Variants in LARGE1 observed in about 807,000 individuals in gnomAD.
The protein encoded by LARGE1 is LARGE xylosyl- and glucuronyltransferase 1, also known as xylosyl- and glucuronyltransferase LARGE1.
In LARGE1, 43 loss-of-function variants were observed where a neutral mutation model predicts 87.6. The ratio of observed to expected loss-of-function variants is 0.49; its 90% CI spans 0.38 to 0.63. LARGE1 has a LOEUF of 0.63. Ranked by LOEUF, LARGE1 falls within the 30% of genes least tolerant of loss-of-function variation. The probability of loss-of-function intolerance (pLI) is 0.00; values close to 1 mark genes in which losing one functional copy is unlikely to be tolerated. For missense variants in LARGE1, 802 were observed against 1,000.2 expected (o/e 0.80, Z 2.67); for synonymous variants, 434 against 394.6 (o/e 1.10, Z -1.18).
At chr22:33,852,867 A>G (rs2063642259) in intron 1 of LARGE1, among the ~76,000 whole-genome samples, 1 of 105,026 alleles carries the variant, frequency 9.5e-6, no homozygotes, top group Non-Finnish European at 1.8e-5. Flanking sequence ...AAAAAAAAAA[A>G]AAAAAAAAAA....
intron 11 of LARGE1, among the ~76,000 whole-genome samples, chr22:33,190,320 C>T (rs5994690): frequency 0.032 from 4,846 of 152,200 alleles, 269 homozygotes; most frequent in African/African-American, 0.11. Flanking sequence ...ATATTTCCTT[C>T]TTCAGACTTT....
At chr22:33,383,926 T>C (rs1014171284) in intron 8 of LARGE1, among the ~76,000 whole-genome samples, 4 of 152,202 alleles carry the variant, frequency 2.6e-5, no homozygotes, top group African/African-American at 9.6e-5. Flanking sequence ...CCTTCGTCTA[T>C]CTCTGTCATC....
intron 11 of LARGE1, among the ~76,000 whole-genome samples, chr22:33,189,996 T>C (rs1923691837): frequency 6.6e-6 from 1 of 152,210 alleles, no homozygotes; most frequent in Admixed American, 6.5e-5. Flanking sequence ...CTAGTTCATC[T>C]GTCTACACTA....
chr22:33,544,265 A>G (rs188623015), intron 6 of LARGE1, among the ~76,000 whole-genome samples: 1 of 152,302 alleles, frequency 6.6e-6, no homozygotes. Context: ...TATGACATAC[A>G]CTGAGTCTTG....
At chr22:33,299,088 T>A (rs1242594539) in intron 12 of LARGE1, among the ~76,000 whole-genome samples, 1 of 151,902 alleles carries the variant, frequency 6.6e-6, no homozygotes, top group African/African-American at 2.4e-5. Context: ...GGCGCATGCC[T>A]ATAATCCCAG....
chr22:33,462,903 G>A (rs1208865885), intron 6 of LARGE1, among the ~76,000 whole-genome samples: 1 of 152,196 alleles, frequency 6.6e-6, no homozygotes, highest in African/African-American at 2.4e-5. Context: ...AACTCAGAAG[G>A]AGGCGATTAA....
Position 33,277,311 on chromosome 22 carries a change from A to G in LARGE1, c.1878-56T>C. On this transcript the variant is annotated intron_variant, in intron 13 of 14. Transcript: ENST00000397394. Reference sequence around the variant, plus strand: ...TAGGGAAGGAAGCCAAGCTCTCCAAATGCAGCCGATGTGGAGGAAGAAGGG... The same window carrying G: ...TAGGGAAGGAAGCCAAGCTCTCCAAGTGCAGCCGATGTGGAGGAAGAAGGG... 3.3e-6 allele frequency: 5 copies of G among 1,520,252 alleles called. No individual in the cohort carries two copies. In the East Asian group the frequency reaches 6.9e-5, roughly 21 times the overall value. The allele number at this position is 1,520,252 out of a possible 1,614,324, so 94.2% of individuals were successfully genotyped here. A position where few individuals can be genotyped will look rare whatever the true frequency, so the allele number is the denominator to read the frequency against.
intron 11 of LARGE1, among the ~76,000 whole-genome samples, chr22:33,172,155 T>TGAA (rs1206573335): frequency 1.3e-5 from 2 of 152,256 alleles, no homozygotes; most frequent in Non-Finnish European, 2.9e-5. Context: ...GGCCCCTTTG[T>TGAA]TTTGGCCAAT....
chr22:33,368,448 C>T (rs1157560639), intron 9 of LARGE1, among the ~76,000 whole-genome samples: 4 of 145,292 alleles, frequency 2.8e-5, no homozygotes, highest in South Asian at 2.2e-4. Context: ...GCAGGAGAAT[C>T]GTTTGAACAT....
chr22:33,195,742 C>CT (rs71187248), intron 11 of LARGE1, among the ~76,000 whole-genome samples: 85,702 of 142,606 alleles, frequency 0.6, 25,390 homozygotes, highest in African/African-American at 0.66. Flanking sequence ...AAATTAATTT[C>CT]TTTTTTCTTT....
chr22:33,703,499 G>A (rs1454451439), intron 2 of LARGE1, among the ~76,000 whole-genome samples: 3 of 152,214 alleles, frequency 2.0e-5, no homozygotes, highest in Admixed American at 1.3e-4. Flanking sequence ...TTGTAGGTAT[G>A]ATTAAAGACC....
intron 1 of LARGE1, among the ~76,000 whole-genome samples, chr22:33,847,045 A>G (rs1487987964): frequency 6.6e-6 from 1 of 152,172 alleles, no homozygotes; most frequent in Non-Finnish European, 1.5e-5. Context: ...ACTCCCTAAT[A>G]AAAACTTCCT....
chr22:33,200,017 T>C (rs1924297296), intron 11 of LARGE1, among the ~76,000 whole-genome samples: 1 of 151,874 alleles, frequency 6.6e-6, no homozygotes, highest in Non-Finnish European at 1.5e-5. Flanking sequence ...CCTGGCTAAT[T>C]TTTGTATTTT....
rs529734800 is a variant in LARGE1 at position 33,482,550 on chromosome 22, T to C, written c.788-50285A>G. On this transcript the variant is annotated intron_variant, in intron 6 of 14. Coordinates refer to ENST00000397394, the MANE Select transcript of LARGE1 (RefSeq NM_133642.5). ...TCACACACTGGGGCCTGTCGGGAGG[T>C]TGGGGGCTAGGGGAGAGAGAGCATT... 2.2e-4 allele frequency among the ~76,000 whole-genome samples: 34 copies of C among 151,764 alleles called. No individual in the cohort carries two copies. In the South Asian group the frequency reaches 3.6e-3, roughly 16 times the overall value.
intron 7 of LARGE1, among the ~76,000 whole-genome samples, chr22:33,394,081 CAAAA>C (rs66531142): frequency 0.25 from 26,984 of 109,912 alleles, 3,382 homozygotes; most frequent in African/African-American, 0.38. Context: ...GTGCAACTGC[CAAAA>C]AAAAAAAAAA....
intron 1 of LARGE1, among the ~76,000 whole-genome samples, chr22:33,831,209 G>A (rs1482125852): frequency 2.0e-5 from 3 of 150,674 alleles, no homozygotes; most frequent in Admixed American, 6.6e-5. Flanking sequence ...GCCTCCCAAA[G>A]TGCTGGGATT....
chr22:33,384,379 C>T, intron 7 of LARGE1, 75 bp from the exon 8 acceptor site: 1 of 1,015,474 alleles, frequency 9.8e-7, no homozygotes, highest in South Asian at 1.3e-5. Flanking sequence ...CTACTCACAT[C>T]ACAGCCACAG....
the LARGE1 span, among the ~76,000 whole-genome samples, chr22:33,115,436 T>G: frequency 2.2e-5 from 3 of 138,712 alleles, no homozygotes; most frequent in African/African-American, 5.6e-5. Flanking sequence ...GGCGATAGAG[T>G]GAGACTACCT....
At chr22:33,241,486 A>G (rs1339161290) in intron 11 of LARGE1, among the ~76,000 whole-genome samples, 1 of 151,934 alleles carries the variant, frequency 6.6e-6, no homozygotes, top group Non-Finnish European at 1.5e-5. Context: ...GCCCTCCATC[A>G]TATGTATTAA....
Sources: gnomAD v4.1 joint callset for allele counts (sites outside exome capture counted in the v4.1 genomes callset) on GRCh38, gnomAD v4.1.1 for gene constraint, MANE v1.5 for transcripts, NCBI Gene and HGNC (gene_info 2026-07-23, HGNC 2026-07-21) for gene names.